The following USP34 variants were observed in gnomAD, a reference collection of about 807,000 sequenced individuals.
USP34 encodes ubiquitin specific peptidase 34.
USP34 carries 70 observed loss-of-function variants against 460.3 expected under a neutral mutation model. The observed-to-expected ratio is 0.15, with a 90% CI of 0.13 to 0.19. USP34 has a LOEUF of 0.19. USP34 is among the 10% of genes least tolerant of loss of function. The probability of loss-of-function intolerance (pLI) is 1.00; values close to 1 mark genes in which losing one functional copy is unlikely to be tolerated. For synonymous variants in USP34, 1,647 were observed against 1,405.3 expected, an observed-to-expected ratio of 1.17 and a Z score of -3.85; for missense variants, 3,985 against 4,236.2, an observed-to-expected ratio of 0.94 and a Z score of 1.65.
intron 3 of USP34, among the ~76,000 whole-genome samples, chr2:61,404,318 C>T (rs1573008194): frequency 6.6e-6 from 1 of 152,230 alleles, no homozygotes; most frequent in Admixed American, 6.5e-5. Context: ...CATAATTCTT[C>T]ATATTCCAGG....
At chr2:61,221,477 T>A in intron 66 of USP34, 25 bp downstream of exon 66, 21 of 1,585,632 alleles carry the variant, frequency 1.3e-5, no homozygotes, top group Non-Finnish European at 1.8e-5. Flanking sequence ...AAATAAACAT[T>A]GAAAACACCT....
chr2:61,347,731 T>C, intron 15 of USP34, 139 bp downstream of exon 15: 1 of 1,438,786 alleles, frequency 7.0e-7, no homozygotes, highest in Non-Finnish European at 9.2e-7. Context: ...TGAAATTATC[T>C]ATTTGTAGCT....
chr2:61,257,775 C>T (rs753587528), intron 44 of USP34, among the ~76,000 whole-genome samples: 26 of 152,042 alleles, frequency 1.7e-4, no homozygotes, highest in Non-Finnish European at 3.2e-4. Context: ...GGTGCGGTTG[C>T]GCATGCCTGT....
chr2:61,267,226 A>C (rs991796074), intron 41 of USP34, among the ~76,000 whole-genome samples: 1 of 152,142 alleles, frequency 6.6e-6, no homozygotes, highest in Non-Finnish European at 1.5e-5. Flanking sequence ...AATCTTAGCC[A>C]TGAGTATAAC....
intron 1 of USP34, among the ~76,000 whole-genome samples, chr2:61,423,023 C>T (rs1160501767): frequency 6.6e-6 from 1 of 152,072 alleles, no homozygotes; most frequent in African/African-American, 2.4e-5. Flanking sequence ...AGTGAGACCC[C>T]CTCTCAAAAA....
At chr2:61,220,781 C>T (rs969246375) in intron 66 of USP34, among the ~76,000 whole-genome samples, 2 of 152,124 alleles carry the variant, frequency 1.3e-5, no homozygotes, top group African/African-American at 4.8e-5. Context: ...TCTAAGGTTT[C>T]TCATCTTTAC....
chr2:61,454,159 A>C (rs1439851777), intron 1 of USP34, among the ~76,000 whole-genome samples: 1 of 152,100 alleles, frequency 6.6e-6, no homozygotes, highest in Non-Finnish European at 1.5e-5. Context: ...TTTTTCGAGA[A>C]GGAGTCTCCC....
At chr2:61,429,913 T>C (rs1251199644) in intron 1 of USP34, among the ~76,000 whole-genome samples, 1 of 150,808 alleles carries the variant, frequency 6.6e-6, no homozygotes, top group East Asian at 2.0e-4. Context: ...ATTTTGTATT[T>C]GTAAAAGTAC....
chr2:61,348,163 T>G lies in USP34; in HGVS notation c.1992A>C (p.Arg664Ser). ...CLGDSQGMSERNGTSSGTGKD... is the reference protein window; with the variant it reads ...CLGDSQGMSESNGTSSGTGKD... ...TTCCTGTTCCGCTGCTTGTCCCATT[T>G]CTTTCTGACATGCCTTGGGAGTCCC... Residue 664 changes from arginine to serine, a missense_variant, in exon 15 of 80, where the codon AGA (arginine) becomes AGC (serine). Arg to Ser is a moderately radical substitution (Grantham distance 110, BLOSUM62 -1). Coordinates refer to ENST00000398571, the MANE Select transcript of USP34 (RefSeq NM_014709.4). The G allele has an allele frequency of 6.2e-7, 1 of 1,614,234 alleles. No homozygotes were observed. Among genetic ancestry groups the G allele is most frequent in the Non-Finnish European group, 8.5e-7 (1 of 1,180,034 alleles).
At chr2:61,390,070 A>T (rs1461372550) in intron 5 of USP34, among the ~76,000 whole-genome samples, 1 of 152,178 alleles carries the variant, frequency 6.6e-6, no homozygotes, top group Non-Finnish European at 1.5e-5. Context: ...CAGTCTTAGG[A>T]CACTGAACAT....
Position 61,295,039 on chromosome 2 carries a change from G to A in USP34, c.4378-7C>T. 3 of 1,605,792 alleles carry A rather than the reference G, an allele frequency of 1.9e-6. No individual in the cohort carries two copies. Among genetic ancestry groups the A allele is most frequent in the African/African-American group, 2.7e-5 (2 of 74,230 alleles). ...AAAGATCACTGTAACTTCCCTATGAGAAAGGCAAAAAAAGTAAGGCAGAAT... is the reference window on the plus strand; with the variant it reads ...AAAGATCACTGTAACTTCCCTATGAAAAAGGCAAAAAAAGTAAGGCAGAAT... On this transcript the variant is annotated splice_polypyrimidine_tract_variant and splice_region_variant and intron_variant, in intron 31 of 79. Coordinates refer to ENST00000398571, the MANE Select transcript of USP34 (RefSeq NM_014709.4).
intron 37 of USP34, 143 bp from the exon 38 acceptor site, chr2:61,281,385 G>C: frequency 9.4e-7 from 1 of 1,069,252 alleles, no homozygotes; most frequent in Non-Finnish European, 1.3e-6. Flanking sequence ...GCCCAGGCAG[G>C]AGGATAACCT....
chr2:61,417,686 A>G (rs1694234342), intron 2 of USP34, among the ~76,000 whole-genome samples: 1 of 150,146 alleles, frequency 6.7e-6, no homozygotes, highest in South Asian at 2.1e-4. Flanking sequence ...TATCATTTAA[A>G]TAAGAAAAAA....
At chr2:61,189,244 A>C in intron 78 of USP34, 175 bp from the exon 79 acceptor site, 1 of 612,444 alleles carries the variant, frequency 1.6e-6, no homozygotes, top group Non-Finnish European at 2.6e-6. Flanking sequence ...AAGATACTAC[A>C]GCATTTCATT....
chr2:61,206,062 G>C lies in USP34; in HGVS notation c.9109C>G (p.Leu3037Val), dbSNP rs774623075. 1 of 1,613,756 alleles carries C rather than the reference G, an allele frequency of 6.2e-7. No homozygotes were observed. The highest frequency in any genetic ancestry group is 2.2e-5 in the East Asian group (1 of 44,818). The change falls in exon 72 of 80, where the codon CTT (leucine) becomes GTT (valine). Residue 3037 changes from leucine to valine, a missense_variant. Physicochemically the swap from Leu to Val is conservative, Grantham distance 32 (BLOSUM62 1). Around this residue, in one of 14 missense-constraint regions of USP34, gnomAD observed 275 missense variants for 292.7 expected, o/e 0.94. Transcript: ENST00000398571. ...RIEFAHKLLT[L>V]LNSYSPPELR... ...TCTGGAGGACTATAGGAATTAAGAA[G>C]AGTTAACAGTTTATGGGCAAATTCA...
chr2:61,406,191 TA>T (rs140185706), intron 2 of USP34, 63 bp from the exon 3 acceptor site: 2 of 1,346,896 alleles, frequency 1.5e-6, no homozygotes, highest in Non-Finnish European at 2.0e-6. Flanking sequence ...TTTAATAATA[TA>T]AAAAAACAAG....
intron 2 of USP34, among the ~76,000 whole-genome samples, chr2:61,406,973 G>A (rs932188696): frequency 6.6e-6 from 1 of 152,068 alleles, no homozygotes; most frequent in African/African-American, 2.4e-5. Context: ...TTACACCACT[G>A]CACTCCAGCC....
chr2:61,356,945 A>AT lies in USP34; in HGVS notation c.1252-6253dup, dbSNP rs1001750734. Among the ~76,000 whole-genome samples the AT allele has an allele frequency of 5.3e-4, 81 of 152,368 alleles. 2 individuals carry two copies. The highest frequency in any genetic ancestry group is 1.8e-3 in the African/African-American group (74 of 41,584). On this transcript the variant is annotated intron_variant, in intron 10 of 79. Coordinates refer to ENST00000398571, the MANE Select transcript of USP34 (RefSeq NM_014709.4). ...ATACAAGATTCAAAATACCAAGAAG[A>AT]TATGACCATAAACATTATGAAAGAA...
At chr2:61,303,891 T>C (rs1250024305) in intron 27 of USP34, among the ~76,000 whole-genome samples, 2 of 151,630 alleles carry the variant, frequency 1.3e-5, no homozygotes, top group African/African-American at 2.4e-5. Flanking sequence ...ATTAATACTT[T>C]GGTAGTTTTT....
Sources: gnomAD v4.1 joint callset for allele counts (sites outside exome capture counted in the v4.1 genomes callset) on GRCh38, gnomAD v4.1.1 for gene constraint, gnomAD v4.1.1 regional missense constraint, MANE v1.5 for transcripts, NCBI Gene and HGNC (gene_info 2026-07-23, HGNC 2026-07-21) for gene names.